Variants in PRKN observed in about 807,000 individuals in gnomAD.
PRKN encodes parkin RBR E3 ubiquitin protein ligase.
PRKN carries 56 observed loss-of-function variants against 59.5 expected under a neutral mutation model. The ratio of observed to expected loss-of-function variants is 0.94; its 90% CI spans 0.76 to 1.18. PRKN has a LOEUF of 1.18. Among genes scored for constraint, PRKN ranks in the 50% most tolerant of loss-of-function variants. The pLI is 0.00. For missense variants in PRKN, 657 were observed against 596.4 expected, an observed-to-expected ratio of 1.10 and a Z score of -1.06; for synonymous variants, 250 against 222.1, an observed-to-expected ratio of 1.13 and a Z score of -1.12.
At chr6:162,417,713 C>T (rs529057854) in intron 2 of PRKN, among the ~76,000 whole-genome samples, 61 of 152,310 alleles carry the variant, frequency 4.0e-4, no homozygotes, top group African/African-American at 1.4e-3. Context: ...AGATAATGTC[C>T]GTTAACGTTT....
At chr6:162,106,415 A>G (rs1167099967) in intron 4 of PRKN, among the ~76,000 whole-genome samples, 1 of 128,262 alleles carries the variant, frequency 7.8e-6, no homozygotes, top group Non-Finnish European at 1.7e-5. Flanking sequence ...TTTTTTTTTC[A>G]TTTTATGAAG....
intron 7 of PRKN, among the ~76,000 whole-genome samples, chr6:161,757,875 GTATATA>G (rs369226880): frequency 1.7e-4 from 4 of 23,472 alleles, no homozygotes; most frequent in African/African-American, 4.7e-4. Flanking sequence ...CTCTCTCTGT[GTATATA>G]TATATACACA....
At chr6:162,430,471 T>C (rs1789464178) in intron 2 of PRKN, among the ~76,000 whole-genome samples, 1 of 152,152 alleles carries the variant, frequency 6.6e-6, no homozygotes, top group Admixed American at 6.5e-5. Flanking sequence ...GAAAGATTGT[T>C]GGGAGCAGGG....
chr6:161,849,785 T>G (rs1161300659), intron 6 of PRKN, among the ~76,000 whole-genome samples: 1 of 152,230 alleles, frequency 6.6e-6, no homozygotes, highest in Non-Finnish European at 1.5e-5. Context: ...GGAGAGCAAC[T>G]TGATTTGAAA....
intron 8 of PRKN, among the ~76,000 whole-genome samples, chr6:161,568,440 A>C (rs181436763): frequency 1.0e-3 from 157 of 152,240 alleles, no homozygotes; most frequent in African/African-American, 3.5e-3. Context: ...AAAAATATAA[A>C]AAATTAGCTG....
At chr6:161,661,457 A>G (rs1784541856) in intron 7 of PRKN, among the ~76,000 whole-genome samples, 1 of 151,882 alleles carries the variant, frequency 6.6e-6, no homozygotes, top group Admixed American at 6.6e-5. Context: ...ATCTATCTTC[A>G]GATATCATGT....
chr6:161,643,320 A>G (rs1019569491), intron 7 of PRKN, among the ~76,000 whole-genome samples: 1 of 152,178 alleles, frequency 6.6e-6, no homozygotes, highest in African/African-American at 2.4e-5. Flanking sequence ...AGGGAGGAGA[A>G]ATGCTGAAGC....
chr6:162,694,940 G>C (rs1239165214), intron 1 of PRKN: 1 of 152,124 alleles, frequency 6.6e-6, no homozygotes, highest in East Asian at 1.9e-4. Flanking sequence ...ATAATTATGT[G>C]AATCAAGTTC....
intron 1 of PRKN, among the ~76,000 whole-genome samples, chr6:162,462,556 C>G (rs1219164215): frequency 2.0e-5 from 3 of 151,916 alleles, no homozygotes; most frequent in African/African-American, 7.3e-5. Context: ...TATAGTCTCC[C>G]CCAATATAAA....
At chr6:162,591,945 T>G (rs751494259) in intron 1 of PRKN, among the ~76,000 whole-genome samples, 1 of 151,932 alleles carries the variant, frequency 6.6e-6, no homozygotes, top group Non-Finnish European at 1.5e-5. Flanking sequence ...TAATAGCAGT[T>G]AGTATACAGC....
At chr6:161,686,568 T>G (rs184222970) in intron 7 of PRKN, among the ~76,000 whole-genome samples, 31 of 152,320 alleles carry the variant, frequency 2.0e-4, no homozygotes, top group Admixed American at 1.5e-3. Flanking sequence ...CTTACCATGA[T>G]CTACGGAATA....
intron 6 of PRKN, among the ~76,000 whole-genome samples, chr6:161,944,006 G>GCAGCCTGAGGGAC (rs1779678001): frequency 7.3e-6 from 1 of 137,838 alleles, no homozygotes; most frequent in Non-Finnish European, 1.5e-5. Flanking sequence ...GCCTGAGGAA[G>GCAGCCTGAGGGAC]CAGCCTGAGG....
chr6:162,548,357 C>T (rs1242902468), intron 1 of PRKN, among the ~76,000 whole-genome samples: 1 of 152,142 alleles, frequency 6.6e-6, no homozygotes, highest in Non-Finnish European at 1.5e-5. Context: ...GTGCCTGGTC[C>T]TCTCTCTGAT....
intron 4 of PRKN, among the ~76,000 whole-genome samples, chr6:162,111,324 G>GTTTTTT (rs1371525766): frequency 3.3e-5 from 5 of 152,048 alleles, no homozygotes; most frequent in African/African-American, 1.2e-4. Context: ...AATTACCCGA[G>GTTTTTT]TGTTGTGGCA....
chr6:161,856,214 G>A (rs1310100564), intron 6 of PRKN, among the ~76,000 whole-genome samples: 1 of 152,060 alleles, frequency 6.6e-6, no homozygotes, highest in African/African-American at 2.4e-5. Context: ...ACAAAAATTA[G>A]CCAGGCATGA....
intron 1 of PRKN, among the ~76,000 whole-genome samples, chr6:162,537,863 G>C (rs1459025052): frequency 6.6e-6 from 1 of 152,142 alleles, no homozygotes; most frequent in African/African-American, 2.4e-5. Flanking sequence ...ACTTGTGTTG[G>C]TGAAAACACA....
chr6:162,466,017 A>G (rs1252002556), intron 1 of PRKN, among the ~76,000 whole-genome samples: 1 of 152,186 alleles, frequency 6.6e-6, no homozygotes, highest in Non-Finnish European at 1.5e-5. Flanking sequence ...TTGAAAGAAA[A>G]TATCAGAACC....
Position 161,560,886 on chromosome 6 carries a change from A to C in PRKN, c.933+8469T>G, listed in dbSNP as rs538075542. 6.6e-6 allele frequency among the ~76,000 whole-genome samples: 1 copy of C among 152,314 alleles called. No individual in the cohort carries two copies. Among genetic ancestry groups the C allele is most frequent in the African/African-American group, 2.4e-5 (1 of 41,584 alleles). ...GACAGCTTCTGTCATCTACCACCAG[A>C]AGCATTGCCTGGAAAACACAGATTT... On this transcript the variant is annotated intron_variant, in intron 8 of 11. Transcript: ENST00000366898. This position sits in a 1 kb window ranked among gnomAD's most constrained non-coding sequence, Gnocchi z 4.9.
At chr6:162,038,289 T>C (rs1244971665) in intron 5 of PRKN, among the ~76,000 whole-genome samples, 2 of 152,194 alleles carry the variant, frequency 1.3e-5, no homozygotes, top group Non-Finnish European at 2.9e-5. Flanking sequence ...GTAGGAATTA[T>C]GGCAAATTGA....
Sources: gnomAD v4.1 joint callset for allele counts (sites outside exome capture counted in the v4.1 genomes callset) on GRCh38, gnomAD v4.1.1 for gene constraint, Gnocchi (gnomAD v3.1) non-coding constraint, MANE v1.5 for transcripts, NCBI Gene and HGNC (gene_info 2026-07-23, HGNC 2026-07-21) for gene names.